Variants in MAP2 observed in about 807,000 individuals in gnomAD.
MAP2 encodes the protein microtubule-associated protein 2.
A neutral mutation model predicts 137.6 loss-of-function variants in MAP2; 14 were observed. The observed-to-expected ratio is 0.10, with a 90% CI of 0.07 to 0.16. The LOEUF is 0.16. Ranked by LOEUF, MAP2 falls within the 10% of genes least tolerant of loss-of-function variation. MAP2 has a pLI of 1.00. For synonymous variants in MAP2, 786 were observed against 782.3 expected, an observed-to-expected ratio of 1.00 and a Z score of -0.08; for missense variants, 2,088 against 2,191.5, an observed-to-expected ratio of 0.95 and a Z score of 0.94.
At chr2:209,618,804 C>T (rs528849237) in intron 3 of MAP2, among the ~76,000 whole-genome samples, 130 of 150,556 alleles carry the variant, frequency 8.6e-4, no homozygotes, top group African/African-American at 2.4e-3. Flanking sequence ...GAAACTGAAA[C>T]CAAATGTCAA....
At chr2:209,547,643 C>T (rs2068352749) in intron 2 of MAP2, among the ~76,000 whole-genome samples, 1 of 152,098 alleles carries the variant, frequency 6.6e-6, no homozygotes, top group South Asian at 2.1e-4. Flanking sequence ...TATCTTTGAA[C>T]ATGTTACTTA....
At chr2:209,604,576 A>G (rs1263271556) in intron 3 of MAP2, among the ~76,000 whole-genome samples, 2 of 152,136 alleles carry the variant, frequency 1.3e-5, no homozygotes, top group Non-Finnish European at 2.9e-5. Flanking sequence ...AGCCTTTAAA[A>G]AGGATTTCTG....
chr2:209,552,545 G>A (rs749614570), intron 2 of MAP2, among the ~76,000 whole-genome samples: 1 of 152,126 alleles, frequency 6.6e-6, no homozygotes, highest in Admixed American at 6.5e-5. Context: ...GTCCTATTAT[G>A]TGTGTGCCTA....
intron 3 of MAP2, among the ~76,000 whole-genome samples, chr2:209,600,542 C>T (rs1457575459): frequency 1.3e-5 from 2 of 152,160 alleles, no homozygotes; most frequent in African/African-American, 4.8e-5. Flanking sequence ...AGTTTTTCCC[C>T]CTAACTAGTG....
intron 14 of MAP2, 46 bp from the exon 15 acceptor site, chr2:209,729,804 C>A: frequency 7.6e-7 from 1 of 1,318,766 alleles, no homozygotes; most frequent in South Asian, 1.2e-5. Context: ...AAATAGTTAC[C>A]ACGAATGCAA....
intron 1 of MAP2, among the ~76,000 whole-genome samples, chr2:209,484,938 G>C (rs944772820): frequency 6.6e-6 from 1 of 152,148 alleles, no homozygotes; most frequent in African/African-American, 2.4e-5. Context: ...TGGTCCCAAA[G>C]GCACATTGAA....
At chr2:209,523,258 C>T (rs1385169493) in intron 2 of MAP2, among the ~76,000 whole-genome samples, 5 of 152,104 alleles carry the variant, frequency 3.3e-5, no homozygotes, top group Admixed American at 3.3e-4. Context: ...CCCTAATCAA[C>T]ATGTTTTAAA....
Position 209,705,796 on chromosome 2 carries a change from A to G in MAP2, c.4732+69A>G, listed in dbSNP as rs1208225224. On this transcript the variant is annotated intron_variant, in intron 12 of 15. Transcript: ENST00000682079. ...ATCCTTTAAGTGGAATAGCACTTAT[A>G]TTTATATTTTAATTTGTAAAAATAA... 6 of 1,256,194 alleles carry G rather than the reference A, an allele frequency of 4.8e-6. No homozygotes were observed. In the Admixed American group the frequency reaches 1.4e-4, roughly 29 times the overall value. The allele number at this position is 1,256,194 out of a possible 1,614,324, so 77.8% of individuals were successfully genotyped here.
intron 1 of MAP2, among the ~76,000 whole-genome samples, chr2:209,449,407 G>A (rs535023425): frequency 4.9e-4 from 74 of 152,186 alleles, no homozygotes; most frequent in Middle Eastern, 3.4e-3. Flanking sequence ...TAGAGAATGC[G>A]TTTCCCTCTC....
At chr2:209,632,490 C>T (rs543513959) in intron 4 of MAP2, among the ~76,000 whole-genome samples, 1 of 152,218 alleles carries the variant, frequency 6.6e-6, no homozygotes, top group South Asian at 2.1e-4. Flanking sequence ...TGTCATACTT[C>T]GTGCTTAATA....
At chr2:209,466,225 A>G (rs1251802042) in intron 1 of MAP2, among the ~76,000 whole-genome samples, 1 of 152,184 alleles carries the variant, frequency 6.6e-6, no homozygotes, top group Non-Finnish European at 1.5e-5. Flanking sequence ...TTTGTCACCT[A>G]AGAAAATGGG....
chr2:209,536,772 A>T (rs1020504615), intron 2 of MAP2, among the ~76,000 whole-genome samples: 2 of 152,022 alleles, frequency 1.3e-5, no homozygotes, highest in South Asian at 2.1e-4. Context: ...ATATGATAGT[A>T]TTTTTTTTCA....
intron 1 of MAP2, among the ~76,000 whole-genome samples, chr2:209,478,702 ACTG>A (rs1280896938): frequency 6.6e-6 from 1 of 152,218 alleles, no homozygotes; most frequent in African/African-American, 2.4e-5. Context: ...ACTTCTAGTG[ACTG>A]CTATCTTCAA....
intron 1 of MAP2, among the ~76,000 whole-genome samples, chr2:209,485,008 A>G (rs971646228): frequency 6.6e-6 from 1 of 152,244 alleles, no homozygotes; most frequent in Admixed American, 6.5e-5. Flanking sequence ...TGGCAGACAC[A>G]CAACAGAAGT....
chr2:209,636,714 C>G (rs1581568141), intron 4 of MAP2, among the ~76,000 whole-genome samples: 1 of 151,944 alleles, frequency 6.6e-6, no homozygotes, highest in Admixed American at 6.6e-5. Context: ...TTGACTGAAA[C>G]ATGAGGACAG....
chr2:209,592,812 A>G (rs1291863650), intron 3 of MAP2, among the ~76,000 whole-genome samples: 2 of 152,086 alleles, frequency 1.3e-5, no homozygotes, highest in Admixed American at 6.6e-5. Flanking sequence ...TTTTTAATTC[A>G]AAGGAATTGT....
At chr2:209,469,330 T>C (rs998486306) in intron 1 of MAP2, among the ~76,000 whole-genome samples, 1 of 152,204 alleles carries the variant, frequency 6.6e-6, no homozygotes, top group African/African-American at 2.4e-5. Flanking sequence ...AAGATGTTTG[T>C]TCCTGGTTGA....
intron 1 of MAP2, among the ~76,000 whole-genome samples, chr2:209,435,949 A>G (rs1049763106): frequency 7.7e-5 from 5 of 64,612 alleles, no homozygotes; most frequent in Non-Finnish European, 1.7e-4. Flanking sequence ...AATATATACT[A>G]TATATACAGT....
At chr2:209,429,289 T>A (rs1693573004) in intron 1 of MAP2, among the ~76,000 whole-genome samples, 1 of 152,162 alleles carries the variant, frequency 6.6e-6, no homozygotes, top group African/African-American at 2.4e-5. Context: ...AAGTAATACA[T>A]GTATACAACG....
Sources: allele counts gnomAD v4.1 joint callset (sites outside exome capture counted in the v4.1 genomes callset), GRCh38; gene constraint gnomAD v4.1.1; transcripts MANE v1.5; gene names NCBI Gene and HGNC (gene_info 2026-07-23, HGNC 2026-07-21).